Variants in ELAPOR2 observed in about 807,000 individuals in gnomAD.
ELAPOR2 encodes the protein endosome/lysosome-associated apoptosis and autophagy regulator family member 2.
Under a neutral mutation model 120.7 loss-of-function variants are expected in ELAPOR2, and 89 were observed. The ratio of observed to expected loss-of-function variants is 0.74; its 90% CI spans 0.62 to 0.88. The LOEUF (loss-of-function observed/expected upper bound fraction) is 0.88, where lower values mean the gene tolerates loss of function less well. Ranked by LOEUF, ELAPOR2 falls within the 40% of genes least tolerant of loss-of-function variation. The pLI is 0.00. For missense variants in ELAPOR2, 1,134 were observed against 1,251.6 expected (o/e 0.91, Z 1.42); for synonymous variants, 444 against 444.9 (o/e 1.00, Z 0.03).
At chr7:86,932,674 T>TA (rs1790380908) in intron 8 of ELAPOR2, among the ~76,000 whole-genome samples, 1 of 151,994 alleles carries the variant, frequency 6.6e-6, no homozygotes, top group South Asian at 2.1e-4. Context: ...TTACTGTTTT[T>TA]AACCATGAAC....
In ELAPOR2 at chr7:86,919,328, C is replaced by A. The variant is rs1351070664; in HGVS notation, c.1400-18G>T. On this transcript the variant is annotated intron_variant, in intron 10 of 21. Coordinates refer to ENST00000450689, the MANE Select transcript of ELAPOR2 (RefSeq NM_001142749.3). ...CTCCCAACCTAGAAGTAATAAAAGT[C>A]ATTTTTATTAATAAAAATTCCATTA... is the stretch of plus-strand genomic sequence containing the variant. 6.8e-7 allele frequency: 1 copy of A among 1,460,672 alleles called. No individual in the cohort carries two copies. The highest frequency in any genetic ancestry group is 1.9e-5 in the Admixed American group (1 of 53,280). The allele number at this position is 1,460,672 out of a possible 1,614,324, so 90.5% of individuals were successfully genotyped here.
chr7:86,991,959 G>A (rs2116599737), intron 1 of ELAPOR2, among the ~76,000 whole-genome samples: 1 of 152,336 alleles, frequency 6.6e-6, no homozygotes, highest in African/African-American at 2.4e-5. Flanking sequence ...AAGAAGCCTG[G>A]GAAAGGGTGC....
rs537131342 is a variant in ELAPOR2, at chr7:86,922,790, A to G, written c.1399+2738T>C. 5.9e-5 allele frequency among the ~76,000 whole-genome samples: 9 copies of G among 152,008 alleles called. 1 individual carries two copies. Among genetic ancestry groups the G allele is most frequent in the African/African-American group, 2.2e-4 (9 of 41,554 alleles). ...TAACATAATATAAACTATAATAAAC[A>G]TATTTTTGTAAAGCTTTTCTATATA... On this transcript the variant is annotated intron_variant, in intron 10 of 21. Coordinates refer to ENST00000450689, the MANE Select transcript of ELAPOR2 (RefSeq NM_001142749.3).
intron 1 of ELAPOR2, among the ~76,000 whole-genome samples, chr7:87,038,031 G>A (rs1794644302): frequency 6.6e-6 from 1 of 152,058 alleles, no homozygotes; most frequent in Admixed American, 6.5e-5. Context: ...TTTCCTGTGA[G>A]ATACATGCTA....
At chr7:86,948,844 T>C (rs187523126) in intron 2 of ELAPOR2, among the ~76,000 whole-genome samples, 4 of 152,336 alleles carry the variant, frequency 2.6e-5, no homozygotes, top group African/African-American at 9.6e-5. Context: ...AAAAGGGCTT[T>C]CTAATCCTTT....
intron 1 of ELAPOR2, among the ~76,000 whole-genome samples, chr7:87,005,134 T>G (rs970253209): frequency 1.3e-5 from 2 of 152,170 alleles, no homozygotes; most frequent in South Asian, 4.2e-4. Context: ...AAAAATGAAT[T>G]GTCATTAATC....
intron 1 of ELAPOR2, among the ~76,000 whole-genome samples, chr7:87,045,677 G>A (rs1420046188): frequency 6.6e-6 from 1 of 151,654 alleles, no homozygotes; most frequent in East Asian, 1.9e-4. Context: ...GTTAGTGGGT[G>A]CAGCGCACCA....
chr7:86,892,497 T>G (rs1463476715), intron 20 of ELAPOR2, among the ~76,000 whole-genome samples: 1 of 152,072 alleles, frequency 6.6e-6, no homozygotes, highest in Non-Finnish European at 1.5e-5. Context: ...AATGTGATAT[T>G]TGCCTATACA....
rs566406863 is a variant in ELAPOR2, at chr7:86,947,814, T to A, written c.419A>T (p.Asp140Val). ...LGSGIKFDEW[D>V]ELPAGFSNIA... is the part of the protein sequence containing the mutation. ...GTTAGAAAATCCTGCCGGCAATTCA[T>A]CCCATTCATCAAATTTGATGCCACT... The change falls in exon 3 of 22, where the codon GAT becomes GTT. Residue 140 changes from aspartate (D) to valine (V), a missense_variant. Transcript: ENST00000450689. The A allele has an allele frequency of 7.7e-6, 12 of 1,551,962 alleles. No homozygotes were observed. In the Admixed American group the frequency reaches 2.2e-4, roughly 28 times the overall value.
intron 1 of ELAPOR2, among the ~76,000 whole-genome samples, chr7:87,004,646 T>A (rs180904269): frequency 2.0e-5 from 3 of 151,672 alleles, no homozygotes; most frequent in Non-Finnish European, 4.4e-5. Context: ...AACCAACACT[T>A]TTTTTCCTAA....
At position 86,892,873 on chromosome 7, in the gene ELAPOR2, A is replaced by G. The variant is rs371425109; in HGVS notation, c.2864+49T>C. On this transcript the variant is annotated intron_variant, in intron 20 of 21. Transcript: ENST00000450689. ...AATGATCAAGTCTAGAATTTTCACA[A>G]CAAAATAGGCCCTCTAGCTCTCTTG... 6 of 1,400,308 alleles carry G rather than the reference A, an allele frequency of 4.3e-6. No individual in the cohort carries two copies. The African/African-American group carries it at 6.0e-5, about 14-fold the overall frequency. The allele number at this position is 1,400,308 out of a possible 1,614,324, so 86.7% of individuals were successfully genotyped here.
At chr7:86,995,570 A>G (rs1793095882) in intron 1 of ELAPOR2, among the ~76,000 whole-genome samples, 1 of 152,218 alleles carries the variant, frequency 6.6e-6, no homozygotes. Context: ...ATATGATGCA[A>G]TAACAACGTA....
At chr7:86,956,427 T>G (rs956578516) in intron 2 of ELAPOR2, among the ~76,000 whole-genome samples, 7 of 152,320 alleles carry the variant, frequency 4.6e-5, no homozygotes, top group African/African-American at 1.7e-4. Context: ...TTCTGAAAAC[T>G]AATTTCACAT....
intron 21 of ELAPOR2, among the ~76,000 whole-genome samples, chr7:86,886,231 C>T (rs780737348): frequency 6.6e-6 from 1 of 152,146 alleles, no homozygotes; most frequent in East Asian, 1.9e-4. Context: ...GGAAAAACAG[C>T]CCAGCACTTT....
intron 16 of ELAPOR2, among the ~76,000 whole-genome samples, chr7:86,909,039 C>A (rs555253975): frequency 6.6e-6 from 1 of 151,896 alleles, no homozygotes; most frequent in East Asian, 1.9e-4. Flanking sequence ...AAAACTAAGG[C>A]TTTTTTTCCC....
intron 1 of ELAPOR2, among the ~76,000 whole-genome samples, chr7:86,977,315 C>T (rs112783050): frequency 7.9e-5 from 12 of 152,324 alleles, no homozygotes; most frequent in African/African-American, 2.4e-4. Context: ...AGCCTGTCCT[C>T]ATGACCATTA....
intron 18 of ELAPOR2, among the ~76,000 whole-genome samples, chr7:86,904,186 A>G (rs1788859993): frequency 6.6e-6 from 1 of 152,178 alleles, no homozygotes; most frequent in Non-Finnish European, 1.5e-5. Context: ...CTATTATCAG[A>G]GTAAAAATGC....
Position 86,938,923 on chromosome 7 carries a change from T to G in ELAPOR2, c.885A>C (p.Pro295=). The G allele has an allele frequency of 6.2e-7, 1 of 1,613,258 alleles. No homozygotes were observed. The highest frequency in any genetic ancestry group is 8.5e-7 in the Non-Finnish European group (1 of 1,179,448). ...AACCTGGTTTGTTGCTGAATGTGCC[T>G]GGCTTGCAAGGAAAACATTCTGATG... ...AYTSECFPCK[P]GTFSNKPGSF... is the part of the protein sequence containing the mutation. The change falls in exon 7 of 22, where the codon CCA becomes CCC. Residue 295 remains proline, a synonymous_variant. Coordinates refer to ENST00000450689, the MANE Select transcript of ELAPOR2 (RefSeq NM_001142749.3).
chr7:86,883,131 A>C (rs939578142), intron 21 of ELAPOR2, among the ~76,000 whole-genome samples: 2 of 151,926 alleles, frequency 1.3e-5, no homozygotes, highest in African/African-American at 4.8e-5. Context: ...AATTTGACGT[A>C]ACACCCAAAT....
Sources: gnomAD v4.1 joint callset for allele counts (sites outside exome capture counted in the v4.1 genomes callset) on GRCh38, gnomAD v4.1.1 for gene constraint, MANE v1.5 for transcripts, NCBI Gene and HGNC (gene_info 2026-07-23, HGNC 2026-07-21) for gene names.